Variants in SPATA1 observed in about 807,000 individuals in gnomAD.
The protein encoded by SPATA1 is spermatogenesis-associated protein 1.
A neutral mutation model predicts 59.6 loss-of-function variants in SPATA1; 57 were observed. That is an observed-to-expected ratio of 0.96 (90% CI 0.77 to 1.19). SPATA1 has a LOEUF of 1.19. SPATA1 is among the 50% of genes most tolerant of loss of function. The probability of loss-of-function intolerance (pLI) is 0.00; values close to 1 mark genes in which losing one functional copy is unlikely to be tolerated. For synonymous variants in SPATA1, 147 were observed against 163.9 expected, an observed-to-expected ratio of 0.90 and a Z score of 0.79; for missense variants, 448 against 480.7, an observed-to-expected ratio of 0.93 and a Z score of 0.64.
intron 6 of SPATA1, among the ~76,000 whole-genome samples, chr1:84,527,848 G>T (rs1371550463): frequency 6.6e-6 from 1 of 152,052 alleles, no homozygotes; most frequent in African/African-American, 2.4e-5. Flanking sequence ...TCCTGCCTCA[G>T]CCTCCCTAAG....
At chr1:84,527,307 G>A (rs1197906293) in intron 6 of SPATA1, among the ~76,000 whole-genome samples, 1 of 151,926 alleles carries the variant, frequency 6.6e-6, no homozygotes, top group Non-Finnish European at 1.5e-5. Flanking sequence ...TTTTCCTATT[G>A]ATTCTTAGAC....
chr1:84,560,077 C>A (rs1472444623), intron 4 of SPATA1, among the ~76,000 whole-genome samples: 1 of 103,766 alleles, frequency 9.6e-6, no homozygotes, highest in African/African-American at 4.1e-5. Flanking sequence ...GAGCAAGACT[C>A]TGTCTCAAAA....
chr1:84,561,061 T>C (rs1321235309), intron 4 of SPATA1, among the ~76,000 whole-genome samples: 1 of 152,240 alleles, frequency 6.6e-6, no homozygotes, highest in East Asian at 1.9e-4. Context: ...GAAATAGATT[T>C]TGTAAGGCTG....
At chr1:84,524,521 A>G (rs1683142592) in intron 4 of SPATA1, among the ~76,000 whole-genome samples, 2 of 152,186 alleles carry the variant, frequency 1.3e-5, no homozygotes, top group Admixed American at 1.3e-4. Context: ...GCAAGAGATA[A>G]TAAGGGCCTA....
intron 10 of SPATA1, among the ~76,000 whole-genome samples, chr1:84,546,987 G>T (rs889752287): frequency 7.2e-5 from 11 of 152,158 alleles, no homozygotes; most frequent in African/African-American, 2.7e-4. Context: ...TTGTGTTGAG[G>T]ATTATAAGGA....
At chr1:84,513,929 C>T (rs1355133230) in intron 1 of SPATA1, among the ~76,000 whole-genome samples, 1 of 150,004 alleles carries the variant, frequency 6.7e-6, no homozygotes, top group Non-Finnish European at 1.5e-5. Context: ...GCAACGTCCA[C>T]CTCCCTGGTT....
intron 6 of SPATA1, among the ~76,000 whole-genome samples, chr1:84,529,358 C>A (rs900086923): frequency 6.6e-5 from 10 of 151,968 alleles, no homozygotes; most frequent in African/African-American, 2.4e-4. Flanking sequence ...TACTCAGAGT[C>A]AAACACAGTG....
intron 6 of SPATA1, among the ~76,000 whole-genome samples, chr1:84,531,727 C>T (rs533052644): frequency 6.6e-6 from 1 of 151,788 alleles, no homozygotes; most frequent in Non-Finnish European, 1.5e-5. Flanking sequence ...GCATGCACCA[C>T]CATGCCTGGC....
At chr1:84,510,881 T>A (rs1468058910) in intron 1 of SPATA1, among the ~76,000 whole-genome samples, 1 of 152,190 alleles carries the variant, frequency 6.6e-6, no homozygotes. Context: ...TAGAACTGGA[T>A]GTCATTATGT....
chr1:84,522,349 T>A, intron 3 of SPATA1, 41 bp from the exon 4 acceptor site: 1 of 1,195,544 alleles, frequency 8.4e-7, no homozygotes, highest in Non-Finnish European at 1.1e-6. Flanking sequence ...ATCCAAAATC[T>A]ATTTCATTTT....
chr1:84,530,296 A>G (rs1157167141), intron 6 of SPATA1, among the ~76,000 whole-genome samples: 1 of 152,212 alleles, frequency 6.6e-6, no homozygotes, highest in Non-Finnish European at 1.5e-5. Flanking sequence ...AGATCGTGAT[A>G]TGAATGAAGC....
chr1:84,562,819 G>A (rs1359605296), intron 4 of SPATA1, among the ~76,000 whole-genome samples: 4 of 151,982 alleles, frequency 2.6e-5, no homozygotes, highest in South Asian at 2.1e-4. Context: ...TTGTAAAGTC[G>A]ATTATGACAC....
At chr1:84,563,633 A>G (rs1179281285) in intron 4 of SPATA1, 2 of 746,126 alleles carry the variant, frequency 2.7e-6, no homozygotes, top group East Asian at 3.2e-5. Flanking sequence ...ATCTCAAACT[A>G]TATTTCAGAG....
At chr1:84,543,759 A>T (rs1335985249) in intron 8 of SPATA1, among the ~76,000 whole-genome samples, 1 of 152,210 alleles carries the variant, frequency 6.6e-6, no homozygotes, top group East Asian at 1.9e-4. Flanking sequence ...ACACAAACAC[A>T]GAGGAGATAA....
At chr1:84,539,600 AT>A (rs1002267786) in intron 8 of SPATA1, among the ~76,000 whole-genome samples, 2 of 152,136 alleles carry the variant, frequency 1.3e-5, no homozygotes, top group African/African-American at 2.4e-5. Context: ...TTTGATAACC[AT>A]TTTTTGGGGG....
chr1:84,532,085 C>A (rs997243299), intron 6 of SPATA1, among the ~76,000 whole-genome samples: 1 of 152,124 alleles, frequency 6.6e-6, no homozygotes, highest in Non-Finnish European at 1.5e-5. Context: ...GAGATTTTAT[C>A]AATGAAAATG....
At chr1:84,513,777 T>A (rs150297155) in intron 1 of SPATA1, among the ~76,000 whole-genome samples, 1 of 152,284 alleles carries the variant, frequency 6.6e-6, no homozygotes, top group Non-Finnish European at 1.5e-5. Flanking sequence ...AAGTATAGCT[T>A]TCCCATAACA....
downstream of SPATA1, chr1:84,554,943 CTAG>C: frequency 7.4e-7 from 1 of 1,352,044 alleles, no homozygotes; most frequent in Non-Finnish European, 1.0e-6. Context: ...ATGCAAGAAA[CTAG>C]ATCTGTTGAT....
At chr1:84,564,761 T>C (rs1456053913) in intron 4 of SPATA1, among the ~76,000 whole-genome samples, 1 of 152,174 alleles carries the variant, frequency 6.6e-6, no homozygotes, top group East Asian at 1.9e-4. Flanking sequence ...TAAATAGGTA[T>C]GTGGCTAGGC....
Sources: gnomAD v4.1 joint callset for allele counts (sites outside exome capture counted in the v4.1 genomes callset) on GRCh38, gnomAD v4.1.1 for gene constraint, MANE v1.5 for transcripts, NCBI Gene and HGNC (gene_info 2026-07-23, HGNC 2026-07-21) for gene names.